MS4A15: variants seen among roughly 807,000 people sequenced by gnomAD.
MS4A15 encodes the protein membrane-spanning 4-domains subfamily A member 15.
In MS4A15, 22 loss-of-function variants were observed where a neutral mutation model predicts 20.6. That is an observed-to-expected ratio of 1.07 (90% CI 0.76 to 1.52). The LOEUF (loss-of-function observed/expected upper bound fraction) is 1.52, where lower values mean the gene tolerates loss of function less well. Among genes scored for constraint, MS4A15 ranks in the 40% most tolerant of loss-of-function variants. MS4A15 has a pLI of 0.00. For synonymous variants in MS4A15, 129 were observed against 129.3 expected (o/e 1.00, Z 0.02); for missense variants, 312 against 323.0 (o/e 0.97, Z 0.26).
chr11:60,761,748 A>G (rs1853745461), intron 1 of MS4A15, among the ~76,000 whole-genome samples: 1 of 152,190 alleles, frequency 6.6e-6, no homozygotes, highest in African/African-American at 2.4e-5. Flanking sequence ...AGCAGTGGCA[A>G]TTATACCCTC....
rs368653062 is a variant in MS4A15, at chr11:60,774,712, G to A, written c.612+762G>A. ...AAATGGAGGACAGTGATGACAGAAA[G>A]GGGCTGGAGGGAGTGTTCAAGGCAG... is the stretch of plus-strand genomic sequence containing the variant. On this transcript the variant is annotated intron_variant, in intron 6 of 6. Coordinates refer to ENST00000405633, the MANE Select transcript of MS4A15 (RefSeq NM_001098835.2). Among the ~76,000 whole-genome samples, 13 of 152,342 alleles carry A rather than the reference G, an allele frequency of 8.5e-5. No homozygotes were observed. The East Asian group carries it at 1.5e-3, about 18-fold the overall frequency.
At chr11:60,763,005 G>T (rs1853786872) in intron 1 of MS4A15, among the ~76,000 whole-genome samples, 1 of 152,154 alleles carries the variant, frequency 6.6e-6, no homozygotes, top group Admixed American at 6.5e-5. Context: ...GGTTTAACAA[G>T]CTCTTTCAAT....
chr11:60,758,826 G>A (rs1476593991), intron 1 of MS4A15, among the ~76,000 whole-genome samples: 3 of 152,200 alleles, frequency 2.0e-5, no homozygotes, highest in Non-Finnish European at 4.4e-5. Context: ...CTTTACAGAT[G>A]GTTTAGGAAA....
intron 1 of MS4A15, among the ~76,000 whole-genome samples, chr11:60,758,031 A>G (rs757909162): frequency 1.2e-4 from 19 of 152,244 alleles, no homozygotes; most frequent in Non-Finnish European, 2.1e-4. Flanking sequence ...ATGACTCCAC[A>G]TGATTGGAAA....
chr11:60,775,510 G>T (rs1854168789), intron 6 of MS4A15, 95 bp from the exon 7 acceptor site: 5 of 927,038 alleles, frequency 5.4e-6, no homozygotes, highest in Non-Finnish European at 8.4e-6. Flanking sequence ...CAGTACCAGG[G>T]CGCTGTTCTC....
intron 3 of MS4A15, among the ~76,000 whole-genome samples, chr11:60,770,703 G>T (rs573360150): frequency 2.0e-5 from 3 of 151,700 alleles, no homozygotes; most frequent in South Asian, 2.1e-4. Flanking sequence ...GAAAATATTT[G>T]GTTTTTCTGT....
At chr11:60,759,628 T>C (rs1414367020) in intron 1 of MS4A15, among the ~76,000 whole-genome samples, 3 of 152,170 alleles carry the variant, frequency 2.0e-5, no homozygotes, top group Non-Finnish European at 1.5e-5. Context: ...GGGAATGGAA[T>C]GTCTCGGTGT....
chr11:60,757,280 C>A, intron 1 of MS4A15, among the ~76,000 whole-genome samples: 1 of 152,192 alleles, frequency 6.6e-6, no homozygotes. Flanking sequence ...GATCAAGGAA[C>A]CTTAGACTTG....
chr11:60,772,778 AC>A (rs945527650), intron 4 of MS4A15, among the ~76,000 whole-genome samples: 12 of 152,040 alleles, frequency 7.9e-5, no homozygotes, highest in Admixed American at 2.6e-4. Flanking sequence ...TGCCTGGACC[AC>A]CCCAGGAGTC....
intron 4 of MS4A15, chr11:60,771,670 A>G (rs1196201914): frequency 3.6e-6 from 5 of 1,390,814 alleles, no homozygotes; most frequent in Non-Finnish European, 4.7e-6. Flanking sequence ...GGACTTAGAA[A>G]TACCACAGGG....
chr11:60,771,358 A>G lies in MS4A15; in HGVS notation c.405+11A>G. 1 of 1,613,926 alleles carries G rather than the reference A, an allele frequency of 6.2e-7. No homozygotes were observed. The highest frequency in any genetic ancestry group is 8.5e-7 in the Non-Finnish European group (1 of 1,180,016). On this transcript the variant is annotated intron_variant, in intron 4 of 6. Transcript: ENST00000405633. The stretch of plus-strand genomic sequence containing the variant: ...CACACCAGTTGCCTGGTGAGTGTGA[A>G]CAGGGGGACCCAGGGGCGGGGATGA...
Position 60,770,468 on chromosome 11 carries a change from G to A in MS4A15, c.349-823G>A, listed in dbSNP as rs568398901. 7.8e-4 allele frequency among the ~76,000 whole-genome samples: 118 copies of A among 151,766 alleles called. 1 individual carries two copies. The South Asian group carries it at 0.024, about 31-fold the overall frequency. Reference sequence around the variant, plus strand: ...CCAAAATTAGCTGGGTGTGGTGGCGGGCGTCTGTAGTCCCAGCTACTTGGG... The same window carrying A: ...CCAAAATTAGCTGGGTGTGGTGGCGAGCGTCTGTAGTCCCAGCTACTTGGG... On this transcript the variant is annotated intron_variant, in intron 3 of 6. Coordinates refer to ENST00000405633, the MANE Select transcript of MS4A15 (RefSeq NM_001098835.2).
chr11:60,771,506 G>T (rs760397962), intron 4 of MS4A15, 159 bp downstream of exon 4: 8 of 1,536,432 alleles, frequency 5.2e-6, no homozygotes, highest in African/African-American at 4.1e-5. Context: ...CAGACCAGAC[G>T]CAGACTGTGC....
intron 4 of MS4A15, chr11:60,771,552 T>C (rs1442563441): frequency 6.5e-7 from 1 of 1,529,978 alleles, no homozygotes; most frequent in East Asian, 2.5e-5. Flanking sequence ...ACTCTTTCAA[T>C]ACACAAGCCA....
At chr11:60,760,758 A>G (rs1853718130) in intron 1 of MS4A15, among the ~76,000 whole-genome samples, 1 of 152,066 alleles carries the variant, frequency 6.6e-6, no homozygotes, top group Non-Finnish European at 1.5e-5. Flanking sequence ...CTTAATAAAC[A>G]AAAAAGGGGG....
At chr11:60,770,522 C>G (rs1443748937) in intron 3 of MS4A15, among the ~76,000 whole-genome samples, 1 of 150,988 alleles carries the variant, frequency 6.6e-6, no homozygotes, top group Non-Finnish European at 1.5e-5. Context: ...CACTTGAACC[C>G]GGGAGGCGGA....
At chr11:60,771,579 C>T (rs953311519) in intron 4 of MS4A15, 41 of 1,522,098 alleles carry the variant, frequency 2.7e-5, no homozygotes, top group South Asian at 4.8e-5. Context: ...AAAGTGAGGT[C>T]CATGCTCATG....
intron 1 of MS4A15, among the ~76,000 whole-genome samples, chr11:60,758,757 G>T (rs763629753): frequency 1.3e-5 from 2 of 152,170 alleles, no homozygotes; most frequent in Non-Finnish European, 2.9e-5. Context: ...TTTACAAACT[G>T]TGCCTGTTAA....
intron 3 of MS4A15, among the ~76,000 whole-genome samples, chr11:60,770,422 A>T (rs957672327): frequency 1.3e-5 from 2 of 151,630 alleles, no homozygotes; most frequent in African/African-American, 4.8e-5. Context: ...ATATGGTGAA[A>T]CCCCGTCTCT....
Sources: allele counts gnomAD v4.1 joint callset (sites outside exome capture counted in the v4.1 genomes callset), GRCh38; gene constraint gnomAD v4.1.1; transcripts MANE v1.5; gene names NCBI Gene and HGNC (gene_info 2026-07-23, HGNC 2026-07-21).